SLC4A4: variants seen among roughly 807,000 people sequenced by gnomAD.
SLC4A4 encodes electrogenic sodium bicarbonate cotransporter 1.
Under a neutral mutation model 111.5 loss-of-function variants are expected in SLC4A4, and 27 were observed. The ratio of observed to expected loss-of-function variants is 0.24; its 90% CI spans 0.18 to 0.33. SLC4A4 has a LOEUF of 0.33. Among genes scored for constraint, SLC4A4 ranks in the 10% least tolerant of loss-of-function variants. The probability of loss-of-function intolerance (pLI) is 1.00; values close to 1 mark genes in which losing one functional copy is unlikely to be tolerated. For synonymous variants in SLC4A4, 443 were observed against 463.4 expected (o/e 0.96, Z 0.57); for missense variants, 909 against 1,315.5 (o/e 0.69, Z 4.78).
chr4:71,317,542 A>G (rs1478802947), intron 3 of SLC4A4, among the ~76,000 whole-genome samples: 1 of 152,172 alleles, frequency 6.6e-6, no homozygotes, highest in African/African-American at 2.4e-5. Flanking sequence ...ATTTGGTAAT[A>G]TATAGTCCTT....
intron 2 of SLC4A4, among the ~76,000 whole-genome samples, chr4:71,131,906 G>A (rs1743716657): frequency 6.6e-6 from 1 of 152,118 alleles, no homozygotes; most frequent in Non-Finnish European, 1.5e-5. Context: ...AGACACTCCA[G>A]ATGGAGCTTC....
chr4:71,533,360 G>A (rs1050860381), intron 17 of SLC4A4, among the ~76,000 whole-genome samples: 3 of 152,126 alleles, frequency 2.0e-5, no homozygotes, highest in African/African-American at 2.4e-5. Context: ...GTAAAATGAG[G>A]TTAGATTCAG....
At chr4:71,220,203 G>A (rs1211023945) in intron 1 of SLC4A4, among the ~76,000 whole-genome samples, 1 of 152,170 alleles carries the variant, frequency 6.6e-6, no homozygotes, top group African/African-American at 2.4e-5. Flanking sequence ...CAGAGTTGAG[G>A]CAAGACCTTC....
At chr4:71,067,260 GTTTT>G (rs754935905) in intron 1 of SLC4A4, among the ~76,000 whole-genome samples, 1 of 147,518 alleles carries the variant, frequency 6.8e-6, no homozygotes, top group African/African-American at 2.5e-5. Context: ...AAAGGAAAGA[GTTTT>G]TTTTTTTAAT....
At chr4:71,279,944 TGC>T (rs1560842077) in intron 3 of SLC4A4, among the ~76,000 whole-genome samples, 1 of 152,136 alleles carries the variant, frequency 6.6e-6, no homozygotes, top group Non-Finnish European at 1.5e-5. Context: ...TACAGGCACC[TGC>T]CATCATGCCC....
chr4:71,358,959 G>A (rs775231289), intron 6 of SLC4A4, among the ~76,000 whole-genome samples: 1 of 152,134 alleles, frequency 6.6e-6, no homozygotes, highest in Non-Finnish European at 1.5e-5. Context: ...GAAGTATAAA[G>A]AAGTGAAAAA....
rs141821253 is a variant in SLC4A4, at chr4:71,499,967, A to G, written c.2166+2275A>G. Among the ~76,000 whole-genome samples, 7 of 152,294 alleles carry G rather than the reference A, an allele frequency of 4.6e-5. No homozygotes were observed. The East Asian group carries it at 1.4e-3, about 29-fold the overall frequency. ...CAGAAGTAGGGTTGCTGGATCATAT[A>G]GTAGTTCTGGTTTTTATTTTTTGGG... On this transcript the variant is annotated intron_variant, in intron 16 of 25. Coordinates refer to ENST00000264485, the MANE Select transcript of SLC4A4 (RefSeq NM_001098484.3).
At chr4:71,514,031 G>A (rs1432913861) in intron 16 of SLC4A4, among the ~76,000 whole-genome samples, 1 of 152,112 alleles carries the variant, frequency 6.6e-6, no homozygotes, top group Non-Finnish European at 1.5e-5. Flanking sequence ...TTGGATTTGG[G>A]TTGCTGGTAT....
At position 71,340,500 on chromosome 4, in the gene SLC4A4, A is replaced by C. The variant is rs192306132; in HGVS notation, c.389+995A>C. 1.4e-3 allele frequency among the ~76,000 whole-genome samples: 212 copies of C among 152,324 alleles called. 2 individuals carry two copies. The South Asian group carries it at 0.015, about 11-fold the overall frequency. ...TATTACGTTTTATATACAGGAAAAA[A>C]ACATAGTATACATAGGGTTTAGTAC... is the stretch of plus-strand genomic sequence containing the variant. On this transcript the variant is annotated intron_variant, in intron 4 of 25. Coordinates refer to ENST00000264485, the MANE Select transcript of SLC4A4 (RefSeq NM_001098484.3).
At chr4:71,442,211 A>T (rs1378641923) in intron 8 of SLC4A4, among the ~76,000 whole-genome samples, 1 of 152,192 alleles carries the variant, frequency 6.6e-6, no homozygotes, top group East Asian at 1.9e-4. Flanking sequence ...ATTCATTGAG[A>T]GCAAATCATG....
intron 16 of SLC4A4, among the ~76,000 whole-genome samples, chr4:71,499,801 T>C (rs1444733201): frequency 1.3e-5 from 2 of 152,232 alleles, no homozygotes; most frequent in African/African-American, 4.8e-5. Context: ...ACTGTTTATA[T>C]GTGCCACATT....
intron 3 of SLC4A4, among the ~76,000 whole-genome samples, chr4:71,273,048 A>G (rs1228096533): frequency 1.3e-5 from 2 of 152,216 alleles, no homozygotes; most frequent in Non-Finnish European, 2.9e-5. Context: ...CATCACTACA[A>G]TAAGAATAGG....
intron 3 of SLC4A4, among the ~76,000 whole-genome samples, chr4:71,336,254 G>T (rs28405514): frequency 0.012 from 1,760 of 152,238 alleles, 35 homozygotes; most frequent in African/African-American, 0.04. Context: ...TGTATATGTA[G>T]AAGTCCTTGC....
At chr4:71,154,288 G>A (rs1344764464) in intron 2 of SLC4A4, among the ~76,000 whole-genome samples, 1 of 152,144 alleles carries the variant, frequency 6.6e-6, no homozygotes, top group Non-Finnish European at 1.5e-5. Flanking sequence ...AGGGGTGCTG[G>A]CTCTACACTG....
At chr4:71,181,223 G>T (rs1745282422) in intron 2 of SLC4A4, among the ~76,000 whole-genome samples, 1 of 113,578 alleles carries the variant, frequency 8.8e-6, no homozygotes, top group Admixed American at 1.1e-4. Context: ...TGTGGGGTGG[G>T]GGGAGGGGGG....
chr4:71,076,307 G>T (rs1324766718), intron 1 of SLC4A4, among the ~76,000 whole-genome samples: 4 of 152,058 alleles, frequency 2.6e-5, no homozygotes, highest in Non-Finnish European at 5.9e-5. Context: ...GAGCTGGGCG[G>T]ATCAACGGAG....
chr4:71,080,543 C>T (rs531949444), intron 1 of SLC4A4, among the ~76,000 whole-genome samples: 1 of 152,224 alleles, frequency 6.6e-6, no homozygotes, highest in Admixed American at 6.5e-5. Flanking sequence ...GGACAATTTT[C>T]AGCATCACAT....
At chr4:71,265,650 G>T (rs890483026) in intron 3 of SLC4A4, among the ~76,000 whole-genome samples, 1 of 152,050 alleles carries the variant, frequency 6.6e-6, no homozygotes, top group African/African-American at 2.4e-5. Context: ...TCCTCAAACC[G>T]GTTTCAAGTG....
chr4:71,534,576 A>G (rs1427629245), intron 18 of SLC4A4, among the ~76,000 whole-genome samples, 188 bp downstream of exon 18: 1 of 144,544 alleles, frequency 6.9e-6, no homozygotes, highest in African/African-American at 2.7e-5. Flanking sequence ...GGGAGAGCTC[A>G]TTTAAATCTG....
Sources: gnomAD v4.1 joint callset for allele counts (sites outside exome capture counted in the v4.1 genomes callset) on GRCh38, gnomAD v4.1.1 for gene constraint, MANE v1.5 for transcripts, NCBI Gene and HGNC (gene_info 2026-07-23, HGNC 2026-07-21) for gene names.